CLRN1: variants seen among roughly 807,000 people sequenced by gnomAD.
CLRN1 encodes clarin 1, also known as clarin-1.
Under a neutral mutation model 18.7 loss-of-function variants are expected in CLRN1, and 15 were observed. The ratio of observed to expected loss-of-function variants is 0.80; its 90% CI spans 0.54 to 1.23. The LOEUF (loss-of-function observed/expected upper bound fraction) is 1.23. Ranked by LOEUF, CLRN1 falls within the 50% of genes most tolerant of loss-of-function variation. The probability of loss-of-function intolerance (pLI) is 0.00; values close to 1 mark genes in which losing one functional copy is unlikely to be tolerated. For synonymous variants in CLRN1, 104 were observed against 102.9 expected (o/e 1.01, Z -0.07); for missense variants, 311 against 277.5 (o/e 1.12, Z -0.86).
At chr3:150,943,749 T>A (rs1445154465) in intron 1 of CLRN1, 18 of 1,611,626 alleles carry the variant, frequency 1.1e-5, no homozygotes, top group Non-Finnish European at 1.4e-5. Flanking sequence ...CACACTGCTG[T>A]CCACAGATGG....
At chr3:150,942,541 A>G (rs1163971019) in intron 1 of CLRN1, 1 of 444,638 alleles carries the variant, frequency 2.2e-6, no homozygotes, top group Non-Finnish European at 4.5e-6. Context: ...TAAGTTATTC[A>G]CTGAGCACCT....
chr3:150,946,366 A>G (rs1714169468), intron 1 of CLRN1, among the ~76,000 whole-genome samples: 2 of 152,076 alleles, frequency 1.3e-5, no homozygotes, highest in Non-Finnish European at 2.9e-5. Flanking sequence ...TCATGTTCTC[A>G]CTCTTAACCA....
At chr3:150,932,135 G>A (rs1281514519) in intron 2 of CLRN1, among the ~76,000 whole-genome samples, 1 of 152,026 alleles carries the variant, frequency 6.6e-6, no homozygotes, top group African/African-American at 2.4e-5. Context: ...GTCACACCAT[G>A]AATGATCAGT....
rs1459641297 is a variant in CLRN1 at position 150,927,463 on chromosome 3, T to G, written c.*473A>C. Reference sequence around the variant, plus strand: ...TAAACAAATTTTTTAAAATGTGTGTTGATACATTTTATAGATGTTCATTTA... The same window carrying G: ...TAAACAAATTTTTTAAAATGTGTGTGGATACATTTTATAGATGTTCATTTA... On this transcript the variant is annotated 3_prime_UTR_variant, in exon 3 of 3. Coordinates refer to ENST00000327047, the MANE Select transcript of CLRN1 (RefSeq NM_174878.3). The G allele has an allele frequency of 4.4e-6, 2 of 452,660 alleles. No individual in the cohort carries two copies. The highest frequency in any genetic ancestry group is 2.0e-5 in the African/African-American group (1 of 49,986). The allele number at this position is 452,660 out of a possible 1,614,324, so 28.0% of individuals were successfully genotyped here.
intron 1 of CLRN1, among the ~76,000 whole-genome samples, chr3:150,942,871 A>G (rs1443810321): frequency 6.6e-6 from 1 of 152,124 alleles, no homozygotes; most frequent in Non-Finnish European, 1.5e-5. Flanking sequence ...GGCCTGTTTG[A>G]TAAGAGAACC....
chr3:150,929,436 C>G (rs1713014531), intron 2 of CLRN1, among the ~76,000 whole-genome samples: 2 of 152,170 alleles, frequency 1.3e-5, no homozygotes, highest in African/African-American at 4.8e-5. Context: ...CAATAGGGTT[C>G]CAGTTAATAG....
chr3:150,932,103 A>G (rs1713186779), intron 2 of CLRN1, among the ~76,000 whole-genome samples: 1 of 151,930 alleles, frequency 6.6e-6, no homozygotes, highest in African/African-American at 2.4e-5. Context: ...CTGACTGAAT[A>G]GGATAGCTGA....
intron 2 of CLRN1, among the ~76,000 whole-genome samples, chr3:150,933,135 T>A (rs1055978280): frequency 6.6e-6 from 1 of 152,220 alleles, no homozygotes; most frequent in Non-Finnish European, 1.5e-5. Context: ...CCAGAAAATA[T>A]GCAGCTACTT....
At position 150,928,084 on chromosome 3, in the gene CLRN1, T is replaced by G. The variant is rs759240040; in HGVS notation, c.551A>C (p.Lys184Thr). ...AATGACCCAGAATGAGGTGGTATAT[T>G]TTTCACTTTGCGTTTTGTAGACATA... is the stretch of plus-strand genomic sequence containing the variant. ...GTYVYKTQSE[K>T]YTTSFWVIFF... The change falls in exon 3 of 3, where the codon AAA becomes ACA. Residue 184 changes from lysine to threonine, a missense_variant. Coordinates refer to ENST00000327047, the MANE Select transcript of CLRN1 (RefSeq NM_174878.3). 7 of 1,613,674 alleles carry G rather than the reference T, an allele frequency of 4.3e-6. No individual in the cohort carries two copies. Among genetic ancestry groups the G allele is most frequent in the Non-Finnish European group, 5.9e-6 (7 of 1,179,882 alleles).
At chr3:150,971,984 A>G (rs1215298688) in intron 1 of CLRN1, among the ~76,000 whole-genome samples, 1 of 152,240 alleles carries the variant, frequency 6.6e-6, no homozygotes, top group East Asian at 1.9e-4. Flanking sequence ...AATATTTAGC[A>G]GCAGGAAAGG....
intron 1 of CLRN1, among the ~76,000 whole-genome samples, chr3:150,967,339 TTTCTTTCACAATAGTGC>T (rs1457605527): frequency 1.3e-5 from 2 of 152,200 alleles, no homozygotes; most frequent in Non-Finnish European, 2.9e-5. Flanking sequence ...GTTGAAGGTT[TTTCTTTCACAATAGTGC>T]TTCTCATACA....
chr3:150,941,924 T>A (rs1409561920), intron 1 of CLRN1, among the ~76,000 whole-genome samples, 163 bp from the exon 2 acceptor site: 3 of 152,210 alleles, frequency 2.0e-5, no homozygotes, highest in Non-Finnish European at 2.9e-5. Context: ...ACAAAAAGGT[T>A]TAAAGATAGG....
At chr3:150,940,383 T>A in intron 2 of CLRN1, 1 of 1,133,350 alleles carries the variant, frequency 8.8e-7, no homozygotes, top group East Asian at 2.7e-5. Flanking sequence ...TCCTGTTAAC[T>A]ACAGGCCTTT....
At chr3:150,937,141 G>A (rs1405054524) in intron 2 of CLRN1, among the ~76,000 whole-genome samples, 1 of 152,018 alleles carries the variant, frequency 6.6e-6, no homozygotes, top group African/African-American at 2.4e-5. Flanking sequence ...AGAAATGTCT[G>A]GTGAAAGGCA....
At chr3:150,949,532 A>G (rs1714375788) in intron 1 of CLRN1, among the ~76,000 whole-genome samples, 1 of 152,190 alleles carries the variant, frequency 6.6e-6, no homozygotes, top group Non-Finnish European at 1.5e-5. Context: ...AAAAATCACT[A>G]GCATTCCTAT....
rs528946672 is a variant in CLRN1 at position 150,939,900 on chromosome 3, GCT to G, written c.433+1680_433+1681del. 1.1e-4 allele frequency among the ~76,000 whole-genome samples: 16 copies of G among 152,250 alleles called. No individual in the cohort carries two copies. The South Asian group carries it at 3.3e-3, about 32-fold the overall frequency. On this transcript the variant is annotated intron_variant, in intron 2 of 2. Transcript: ENST00000327047. Reference sequence around the variant, plus strand: ...CTGAGCCTGTGCTCTTGGCTCTTCAGCTCTGATTGCAAAGCCCTTGGCCTTTG... The same window carrying G: ...CTGAGCCTGTGCTCTTGGCTCTTCAGCTGATTGCAAAGCCCTTGGCCTTTG...
At chr3:150,960,908 C>G (rs528865674) in intron 1 of CLRN1, among the ~76,000 whole-genome samples, 6 of 152,248 alleles carry the variant, frequency 3.9e-5, no homozygotes, top group Non-Finnish European at 8.8e-5. Flanking sequence ...AAGGACAGAG[C>G]CGACTTCTTT....
chr3:150,967,694 G>C (rs1333374528), intron 1 of CLRN1, among the ~76,000 whole-genome samples: 2 of 152,182 alleles, frequency 1.3e-5, no homozygotes, highest in Non-Finnish European at 2.9e-5. Context: ...GGTGATAGGA[G>C]AGACGCAAGG....
At chr3:150,940,861 C>T (rs936097807) in intron 2 of CLRN1, among the ~76,000 whole-genome samples, 12 of 152,166 alleles carry the variant, frequency 7.9e-5, no homozygotes, top group Non-Finnish European at 7.3e-5. Flanking sequence ...GAACTAATTT[C>T]TGGCTTTAGA....
Sources: allele counts gnomAD v4.1 joint callset (sites outside exome capture counted in the v4.1 genomes callset), GRCh38; gene constraint gnomAD v4.1.1; transcripts MANE v1.5; gene names NCBI Gene and HGNC (gene_info 2026-07-23, HGNC 2026-07-21).